Variants in NUP160 observed in about 807,000 individuals in gnomAD.
NUP160 encodes nuclear pore complex protein Nup160.
A neutral mutation model predicts 196.9 loss-of-function variants in NUP160; 94 were observed. That is an observed-to-expected ratio of 0.48 (90% confidence interval 0.40 to 0.57). NUP160 has a LOEUF of 0.57. Among genes scored for constraint, NUP160 ranks in the 20% least tolerant of loss-of-function variants. The probability of loss-of-function intolerance (pLI) is 0.00; values close to 1 mark genes in which losing one functional copy is unlikely to be tolerated. For missense variants in NUP160, 1,638 were observed against 1,748.3 expected, an observed-to-expected ratio of 0.94 and a Z score of 1.13; for synonymous variants, 605 against 619.7, an observed-to-expected ratio of 0.98 and a Z score of 0.35.
intron 9 of NUP160, among the ~76,000 whole-genome samples, chr11:47,820,514 C>T (rs762935832): frequency 4.6e-5 from 7 of 151,994 alleles, no homozygotes; most frequent in Admixed American, 1.3e-4. Flanking sequence ...TAGGGTGCAT[C>T]GTGCCACCAC....
chr11:47,780,525 G>T, intron 34 of NUP160, 78 bp from the exon 35 acceptor site: 13 of 781,046 alleles, frequency 1.7e-5, no homozygotes, highest in Non-Finnish European at 2.0e-5. Flanking sequence ...ATAGGACTCT[G>T]TAGAATAAAA....
rs753185599 is a variant in NUP160 at position 47,788,484 on chromosome 11, AACTCTT to A, written c.3622+11_3622+16del. On this transcript the variant is annotated intron_variant, in intron 30 of 35. Coordinates refer to ENST00000378460, the Ensembl canonical transcript of NUP160. ...TGGTGCTGACAAGTCAGAGGCTTTA[AACTCTT>A]GAATTCCTACCAGCAACTGCAACCG... 4 of 1,605,898 alleles carry A rather than the reference AACTCTT, an allele frequency of 2.5e-6. No homozygotes were observed. The East Asian group carries it at 6.7e-5, about 27-fold the overall frequency.
At chr11:47,835,581 T>C in intron 7 of NUP160, 70 bp downstream of exon 7, 1 of 1,311,362 alleles carries the variant, frequency 7.6e-7, no homozygotes, top group South Asian at 1.7e-5. Flanking sequence ...ACAGACTCAC[T>C]GAGTCTACAG....
At chr11:47,809,256 C>CAAAA (rs35748617) in intron 17 of NUP160, among the ~76,000 whole-genome samples, 16 of 94,646 alleles carry the variant, frequency 1.7e-4, no homozygotes, top group African/African-American at 3.1e-4. Context: ...GAACTTGTCT[C>CAAAA]AAAAAAAAAA....
At chr11:47,812,359 G>A in exon 16 of NUP160, 1 of 1,613,690 alleles carries the variant, frequency 6.2e-7, no homozygotes, top group East Asian at 2.2e-5. Context: ...TCCCGTATAA[G>A]TAGTCCAATT....
chr11:47,802,300 G>T (rs190833318), intron 22 of NUP160, among the ~76,000 whole-genome samples: 2 of 151,956 alleles, frequency 1.3e-5, no homozygotes, highest in Non-Finnish European at 2.9e-5. Flanking sequence ...GCGTGGTGGC[G>T]TGCACCTGTA....
At chr11:47,804,324 A>G (rs1169377841) in intron 21 of NUP160, 3 of 449,616 alleles carry the variant, frequency 6.7e-6, no homozygotes, top group South Asian at 9.3e-5. Context: ...CTCTCAGCCA[A>G]GTACTAACCA....
At position 47,813,339 on chromosome 11, in the gene NUP160, T is replaced by G. The variant is rs762277946; in HGVS notation, c.1763A>C (p.Glu588Ala). 5 of 1,607,484 alleles carry G rather than the reference T, an allele frequency of 3.1e-6. No homozygotes were observed. In the Admixed American group the frequency reaches 8.3e-5, roughly 27 times the overall value. Reference sequence around the variant, plus strand: ...ACCATCAGATATGGTTGTCTCATCTTCTGTCAAAAGGTTCTCATAAGGCAG... The same window carrying G: ...ACCATCAGATATGGTTGTCTCATCTGCTGTCAAAAGGTTCTCATAAGGCAG... The change falls in exon 14 of 36, where the codon GAA (glutamate) becomes GCA (alanine). Residue 588 changes from glutamate (E) to alanine (A), a missense_variant. This residue lies in a region of NUP160 where 1,345 missense variants were observed against 1,470.2 expected (regional missense o/e 0.91). Transcript: ENST00000378460.
At position 47,788,597 on chromosome 11, in the gene NUP160, C is replaced by A. The variant is rs774173403; in HGVS notation, c.3526G>T (p.Glu1176Ter). 1 of 1,613,130 alleles carries A rather than the reference C, an allele frequency of 6.2e-7. No individual in the cohort carries two copies. The highest frequency in any genetic ancestry group is 8.5e-7 in the Non-Finnish European group (1 of 1,179,132). ...TCCAGATCTTCCAGTTCCAGGATTTCAATTTGTCGATTTGCTATACATCAA... is the reference window on the plus strand; with the variant it reads ...TCCAGATCTTCCAGTTCCAGGATTTAAATTTGTCGATTTGCTATACATCAA... The change falls in exon 30 of 36, where the codon GAA becomes TAA. Residue 1176 changes from glutamate (E) to a stop codon, truncating the protein, a stop_gained. Transcript: ENST00000378460. LOFTEE classifies it high-confidence loss of function.
At chr11:47,806,847 ACACACATAT>A in intron 19 of NUP160, among the ~76,000 whole-genome samples, 1 of 138,862 alleles carries the variant, frequency 7.2e-6, no homozygotes, top group African/African-American at 2.7e-5. Context: ...ACACACACAC[ACACACATAT>A]ATATACCATA....
intron 14 of NUP160, 38 bp downstream of exon 14, chr11:47,813,277 AG>A (rs776082610): frequency 7.2e-7 from 1 of 1,391,472 alleles, no homozygotes; most frequent in Non-Finnish European, 1.0e-6. Context: ...GGGTTTATAT[AG>A]GAAGGGGATT....
chr11:47,803,142 AAAT>A lies in NUP160; in HGVS notation c.2775+293_2775+295del, dbSNP rs55654627. Among the ~76,000 whole-genome samples the A allele has an allele frequency of 0.011, 1,492 of 139,040 alleles. 40 individuals carry two copies. The East Asian group carries it at 0.12, about 11-fold the overall frequency. 91.2% of individuals were successfully genotyped at this position (139,040 alleles called of 152,430 possible). ...AACATAGTGAGACCCTGATTTTACA[AAAT>A]AATAATAATAATAATAATAATAATA... is the stretch of plus-strand genomic sequence containing the variant. On this transcript the variant is annotated intron_variant, in intron 22 of 35. Coordinates refer to ENST00000378460, the Ensembl canonical transcript of NUP160.
chr11:47,831,278 C>A (rs187008815), intron 7 of NUP160, among the ~76,000 whole-genome samples: 1 of 152,250 alleles, frequency 6.6e-6, no homozygotes, highest in Admixed American at 6.5e-5. Context: ...CATTAGTTAT[C>A]AGGAAATTAA....
rs1258326506 is a variant in NUP160 at position 47,785,077 on chromosome 11, A to G, written c.3849-14T>C. ...TCATCTGTAGCACTTGAAAAAAACA[A>G]AAATGACTAATGAGTTTCAGATTCT... On this transcript the variant is annotated splice_polypyrimidine_tract_variant and intron_variant, in intron 32 of 35. Coordinates refer to ENST00000378460, the Ensembl canonical transcript of NUP160. The G allele has an allele frequency of 2.9e-6, 4 of 1,366,062 alleles. No individual in the cohort carries two copies. The highest frequency in any genetic ancestry group is 3.2e-5 in the African/African-American group (2 of 62,920). 84.6% of individuals were successfully genotyped at this position (1,366,062 alleles called of 1,614,324 possible). A position where few individuals can be genotyped will look rare whatever the true frequency, so the allele number is the denominator to read the frequency against.
At chr11:47,846,341 G>A (rs1015817685) in intron 2 of NUP160, among the ~76,000 whole-genome samples, 1 of 152,078 alleles carries the variant, frequency 6.6e-6, no homozygotes, top group African/African-American at 2.4e-5. Flanking sequence ...CCTTAGACCT[G>A]TAAACTTCAA....
chr11:47,824,194 C>A (rs1851922819), intron 7 of NUP160, among the ~76,000 whole-genome samples: 1 of 151,508 alleles, frequency 6.6e-6, no homozygotes, highest in Admixed American at 6.6e-5. Flanking sequence ...GATTTCTCAA[C>A]AACAACAAAA....
intron 2 of NUP160, among the ~76,000 whole-genome samples, chr11:47,846,873 C>T (rs1342796899): frequency 6.6e-6 from 1 of 152,182 alleles, no homozygotes; most frequent in Non-Finnish European, 1.5e-5. Context: ...AAGTTGTGAA[C>T]ACAGTATCCG....
exon 1 of NUP160, chr11:47,848,429 C>T: frequency 6.5e-7 from 1 of 1,540,898 alleles, no homozygotes; most frequent in East Asian, 2.4e-5. Context: ...ATTCCGGGAG[C>T]AGAAAGGCGG....
At chr11:47,793,722 GTTTTTTTTTTTTTT>G (rs750497969) in intron 27 of NUP160, among the ~76,000 whole-genome samples, 5 of 87,644 alleles carry the variant, frequency 5.7e-5, no homozygotes, top group Non-Finnish European at 8.7e-5. Context: ...TAAGATATCT[GTTTTTTTTTTTTTT>G]TTTTTTTTTT....
Sources: allele counts gnomAD v4.1 joint callset (sites outside exome capture counted in the v4.1 genomes callset), GRCh38; gene constraint gnomAD v4.1.1; regional missense constraint gnomAD v4.1.1; transcripts MANE v1.5; gene names NCBI Gene and HGNC (gene_info 2026-07-23, HGNC 2026-07-21).